Variants in ST6GALNAC3 observed in about 807,000 individuals in gnomAD.
ST6GALNAC3 encodes the protein ST6 N-acetylgalactosaminide alpha-2,6-sialyltransferase 3.
A neutral mutation model predicts 32.7 loss-of-function variants in ST6GALNAC3; 25 were observed. That is an observed-to-expected ratio of 0.76 (90% CI 0.56 to 1.07). ST6GALNAC3 has a LOEUF of 1.07. ST6GALNAC3 is among the 50% of genes least tolerant of loss of function. The pLI is 0.00. For missense variants in ST6GALNAC3, 355 were observed against 382.4 expected, an observed-to-expected ratio of 0.93 and a Z score of 0.60; for synonymous variants, 129 against 133.1, an observed-to-expected ratio of 0.97 and a Z score of 0.21.
chr1:76,262,343 G>A (rs1176334303), intron 1 of ST6GALNAC3, among the ~76,000 whole-genome samples: 1 of 152,018 alleles, frequency 6.6e-6, no homozygotes, highest in East Asian at 1.9e-4. Context: ...CTAATTCCAT[G>A]GCAGGCTGTG....
intron 2 of ST6GALNAC3, among the ~76,000 whole-genome samples, chr1:76,377,933 C>T (rs1449317797): frequency 2.0e-5 from 3 of 152,090 alleles, no homozygotes; most frequent in Admixed American, 2.0e-4. Flanking sequence ...TGGTGCCATT[C>T]CTCAGAATGA....
intron 1 of ST6GALNAC3, among the ~76,000 whole-genome samples, chr1:76,296,053 T>C (rs978345951): frequency 6.6e-6 from 1 of 152,054 alleles, no homozygotes; most frequent in African/African-American, 2.4e-5. Context: ...AACGTTTTTA[T>C]GCATCTTATT....
rs187102831 is a variant in ST6GALNAC3 at position 76,533,477 on chromosome 1, C to T, written c.624-93975C>T. ...ATTCTTCTCTTTTTCCTACATCACC[C>T]GCCTGCTCAGGAACCCCGCTTCAGT... On this transcript the variant is annotated intron_variant, in intron 3 of 4. Transcript: ENST00000328299. Among the ~76,000 whole-genome samples, 219 of 152,228 alleles carry T rather than the reference C, an allele frequency of 1.4e-3. 2 individuals are homozygous for T. The highest frequency in any genetic ancestry group is 5.0e-3 in the African/African-American group (208 of 41,548).
chr1:76,228,442 A>C (rs1656192803), intron 1 of ST6GALNAC3, among the ~76,000 whole-genome samples: 1 of 152,160 alleles, frequency 6.6e-6, no homozygotes, highest in African/African-American at 2.4e-5. Context: ...TGGCCCAGTA[A>C]CCTTGCGAAG....
At chr1:76,295,021 C>A (rs1034128840) in intron 1 of ST6GALNAC3, among the ~76,000 whole-genome samples, 5 of 152,048 alleles carry the variant, frequency 3.3e-5, no homozygotes, top group Non-Finnish European at 5.9e-5. Context: ...GTTTCTTCTT[C>A]TGAGCAGCTG....
intron 2 of ST6GALNAC3, among the ~76,000 whole-genome samples, chr1:76,409,534 T>G (rs1411737198): frequency 7.1e-6 from 1 of 141,072 alleles, no homozygotes; most frequent in Non-Finnish European, 1.6e-5. Context: ...CACTTTTTTA[T>G]AGTAGAAAAA....
chr1:76,561,711 C>T (rs568354383), intron 3 of ST6GALNAC3, among the ~76,000 whole-genome samples: 2 of 152,084 alleles, frequency 1.3e-5, no homozygotes, highest in Admixed American at 6.6e-5. Context: ...CATAGTCTAG[C>T]GGTTCCTTAA....
intron 3 of ST6GALNAC3, among the ~76,000 whole-genome samples, chr1:76,454,854 TA>T (rs10713405): frequency 0.61 from 92,143 of 151,720 alleles, 28,626 homozygotes; most frequent in Admixed American, 0.67. Flanking sequence ...GCAGTTTGAA[TA>T]TGGAGTCTCT....
chr1:76,275,736 A>T (rs1659096632), intron 1 of ST6GALNAC3, among the ~76,000 whole-genome samples: 1 of 152,222 alleles, frequency 6.6e-6, no homozygotes, highest in African/African-American at 2.4e-5. Context: ...AGTATTTAAG[A>T]ACATTATCTC....
chr1:76,483,133 A>G (rs1410247837), intron 3 of ST6GALNAC3, among the ~76,000 whole-genome samples: 1 of 152,132 alleles, frequency 6.6e-6, no homozygotes, highest in Non-Finnish European at 1.5e-5. Flanking sequence ...ACTGATGGAC[A>G]TTTGGGTTGG....
chr1:76,407,069 C>A (rs1346562289), intron 2 of ST6GALNAC3, among the ~76,000 whole-genome samples: 7 of 151,976 alleles, frequency 4.6e-5, no homozygotes, highest in African/African-American at 1.7e-4. Flanking sequence ...TGTGCCCCAG[C>A]CAATAATCAA....
intron 3 of ST6GALNAC3, among the ~76,000 whole-genome samples, chr1:76,496,818 A>G (rs766816818): frequency 6.6e-6 from 1 of 152,152 alleles, no homozygotes; most frequent in Non-Finnish European, 1.5e-5. Context: ...GACTATTTCC[A>G]TATTCTTATC....
At position 76,215,887 on chromosome 1, in the gene ST6GALNAC3, T is replaced by C. The variant is rs531885570; in HGVS notation, c.19-97918T>C. 1.3e-4 allele frequency among the ~76,000 whole-genome samples: 20 copies of C among 152,334 alleles called. No homozygotes were observed. In the East Asian group the frequency reaches 3.9e-3, roughly 29 times the overall value. ...TGGATGTAGGGAAGCATTTGCTTAC[T>C]ACAGTGCTTTCTAGAGATGGTGGGC... On this transcript the variant is annotated intron_variant, in intron 1 of 4. Coordinates refer to ENST00000328299, the MANE Select transcript of ST6GALNAC3 (RefSeq NM_152996.4).
chr1:76,618,585 A>C (rs942496627), intron 3 of ST6GALNAC3, among the ~76,000 whole-genome samples: 1 of 152,184 alleles, frequency 6.6e-6, no homozygotes, highest in African/African-American at 2.4e-5. Context: ...ATTTGCAAAA[A>C]TATTTTTATT....
chr1:76,342,938 G>A (rs768566198), intron 2 of ST6GALNAC3, among the ~76,000 whole-genome samples: 21 of 151,168 alleles, frequency 1.4e-4, no homozygotes, highest in Admixed American at 1.1e-3. Context: ...TTTTTTTCTT[G>A]TTGACTTAAG....
At chr1:76,270,972 C>G (rs1658812538) in intron 1 of ST6GALNAC3, among the ~76,000 whole-genome samples, 1 of 152,078 alleles carries the variant, frequency 6.6e-6, no homozygotes, top group Non-Finnish European at 1.5e-5. Context: ...GGAGATGAAC[C>G]CAAGGGACAA....
chr1:76,082,551 T>TTCTA (rs1423449217), intron 1 of ST6GALNAC3, among the ~76,000 whole-genome samples: 1 of 152,220 alleles, frequency 6.6e-6, no homozygotes, highest in Non-Finnish European at 1.5e-5. Flanking sequence ...TTATCTGCGC[T>TTCTA]TTCTCTATTG....
intron 1 of ST6GALNAC3, among the ~76,000 whole-genome samples, chr1:76,291,128 C>A (rs1410018589): frequency 6.6e-6 from 1 of 152,198 alleles, no homozygotes; most frequent in Non-Finnish European, 1.5e-5. Context: ...ACCGCCATAA[C>A]TTGAAAATAA....
chr1:76,238,833 C>T (rs555628576), intron 1 of ST6GALNAC3, among the ~76,000 whole-genome samples: 195 of 151,956 alleles, frequency 1.3e-3, no homozygotes, highest in Non-Finnish European at 2.4e-3. Context: ...TTACTGACAA[C>T]GTCTAGGGAT....
Sources: allele counts gnomAD v4.1 joint callset (sites outside exome capture counted in the v4.1 genomes callset), GRCh38; gene constraint gnomAD v4.1.1; transcripts MANE v1.5; gene names NCBI Gene and HGNC (gene_info 2026-07-23, HGNC 2026-07-21).